Variants in NAV3 observed in about 807,000 individuals in gnomAD.
NAV3 encodes the protein pore membrane and/or filament interacting like protein 1.
NAV3 carries 87 observed loss-of-function variants against 244.7 expected under a neutral mutation model. The observed-to-expected ratio is 0.36, with a 90% CI of 0.30 to 0.42. The LOEUF (loss-of-function observed/expected upper bound fraction) is 0.42, where lower values mean the gene tolerates loss of function less well. Ranked by LOEUF, NAV3 falls within the 20% of genes least tolerant of loss-of-function variation. NAV3 has a pLI of 1.00. For missense variants in NAV3, 2,663 were observed against 2,893.3 expected (o/e 0.92, Z 1.83); for synonymous variants, 1,126 against 1,042.2 (o/e 1.08, Z -1.55).
At chr12:78,141,084 T>A (rs1593758156) in intron 20 of NAV3, among the ~76,000 whole-genome samples, 1 of 152,032 alleles carries the variant, frequency 6.6e-6, no homozygotes, top group African/African-American at 2.4e-5. Flanking sequence ...AGAGACAAGG[T>A]CATTGCTATA....
intron 1 of NAV3, among the ~76,000 whole-genome samples, chr12:77,836,110 G>A (rs1302803790): frequency 6.6e-6 from 1 of 152,008 alleles, no homozygotes; most frequent in Non-Finnish European, 1.5e-5. Context: ...TTCTTCCTGG[G>A]CATACACCCA....
At chr12:77,628,977 T>C (rs1171782999) in intron 2 of NAV3, among the ~76,000 whole-genome samples, 1 of 152,156 alleles carries the variant, frequency 6.6e-6, no homozygotes, top group Non-Finnish European at 1.5e-5. Context: ...CTTAATGCAT[T>C]CTCAAATCCA....
At chr12:77,966,904 G>C (rs528657474) in intron 4 of NAV3, among the ~76,000 whole-genome samples, 4 of 152,064 alleles carry the variant, frequency 2.6e-5, no homozygotes, top group African/African-American at 9.6e-5. Flanking sequence ...TTTTTTCTGA[G>C]TTTATTTTAC....
intron 12 of NAV3, among the ~76,000 whole-genome samples, chr12:78,102,457 T>C (rs898452040): frequency 1.3e-5 from 2 of 152,176 alleles, no homozygotes; most frequent in Non-Finnish European, 2.9e-5. Flanking sequence ...CAGGCTGGCA[T>C]TGAGTGTCTG....
In NAV3 at chr12:77,818,928, G is replaced by A. The variant is rs533205844; in HGVS notation, c.73-121391G>A. On this transcript the variant is annotated intron_variant, in intron 2 of 8. Transcript: ENST00000550042. ...AAAGTAAACAAATAGCTCATTTCCC[G>A]GATTGTATATATTACACATTTATAT... Among the ~76,000 whole-genome samples the A allele has an allele frequency of 1.1e-3, 174 of 151,912 alleles. 1 individual carries two copies. The highest frequency in any genetic ancestry group is 4.0e-3 in the African/African-American group (165 of 41,448).
intron 2 of NAV3, among the ~76,000 whole-genome samples, chr12:77,736,097 C>G (rs12830949): frequency 0.49 from 74,492 of 152,058 alleles, 20,046 homozygotes; most frequent in East Asian, 0.85. Context: ...ACCACTGTTA[C>G]ACACTTTGTG....
intron 12 of NAV3, among the ~76,000 whole-genome samples, chr12:78,069,773 T>C (rs1952660389): frequency 6.6e-6 from 1 of 152,018 alleles, no homozygotes; most frequent in Non-Finnish European, 1.5e-5. Context: ...TACTAGGAGA[T>C]GCCTCACATA....
chr12:77,592,279 G>C (rs1002238675), intron 2 of NAV3, among the ~76,000 whole-genome samples: 12 of 152,196 alleles, frequency 7.9e-5, no homozygotes, highest in African/African-American at 2.9e-4. Context: ...TGCTAAGGCT[G>C]CCTAGGACTA....
intron 12 of NAV3, among the ~76,000 whole-genome samples, chr12:78,070,848 C>T (rs1176462796): frequency 6.7e-6 from 1 of 149,294 alleles, no homozygotes; most frequent in African/African-American, 2.5e-5. Context: ...TGATGATTTC[C>T]AATTTCATCC....
chr12:77,955,241 A>G (rs1891255298), intron 3 of NAV3, among the ~76,000 whole-genome samples: 1 of 152,192 alleles, frequency 6.6e-6, no homozygotes, highest in South Asian at 2.1e-4. Flanking sequence ...CTGATCTCTT[A>G]AAGATCCCTC....
chr12:77,791,680 A>G (rs1565815492), intron 2 of NAV3, among the ~76,000 whole-genome samples: 1 of 152,156 alleles, frequency 6.6e-6, no homozygotes, highest in Non-Finnish European at 1.5e-5. Flanking sequence ...TTACATCTCT[A>G]TATATAGTGA....
At chr12:77,632,723 A>G (rs563168713) in intron 2 of NAV3, among the ~76,000 whole-genome samples, 1 of 152,180 alleles carries the variant, frequency 6.6e-6, no homozygotes, top group Non-Finnish European at 1.5e-5. Context: ...CTCTTATACT[A>G]CTATAATAGT....
At chr12:78,078,620 C>T (rs1174666859) in intron 12 of NAV3, among the ~76,000 whole-genome samples, 5 of 151,936 alleles carry the variant, frequency 3.3e-5, no homozygotes, top group South Asian at 2.1e-4. Context: ...TGGTCTCGAT[C>T]TCCTGACCTC....
intron 1 of NAV3, among the ~76,000 whole-genome samples, chr12:77,833,672 A>G (rs1218952258): frequency 6.6e-6 from 1 of 152,272 alleles, no homozygotes; most frequent in Non-Finnish European, 1.5e-5. Context: ...TTGCAAGGGC[A>G]GAGGGCTTTC....
At chr12:78,110,556 T>C (rs300429) in intron 12 of NAV3, among the ~76,000 whole-genome samples, 8,069 of 151,054 alleles carry the variant, frequency 0.053, 271 homozygotes, top group Non-Finnish European at 0.072. Flanking sequence ...TGAACATGGA[T>C]TTTATCAATT....
chr12:77,810,866 C>A (rs115943916), intron 2 of NAV3, among the ~76,000 whole-genome samples: 2,396 of 152,158 alleles, frequency 0.016, 56 homozygotes, highest in African/African-American at 0.055. Flanking sequence ...TTTGTCAAAT[C>A]AGTTTTATTG....
intron 1 of NAV3, among the ~76,000 whole-genome samples, chr12:77,881,998 G>A (rs920347866): frequency 1.3e-5 from 2 of 152,078 alleles, no homozygotes; most frequent in Admixed American, 1.3e-4. Flanking sequence ...TGGCCATACT[G>A]CCCAAAGCAT....
At chr12:78,125,108 C>T (rs1955847954) in intron 16 of NAV3, among the ~76,000 whole-genome samples, 1 of 152,026 alleles carries the variant, frequency 6.6e-6, no homozygotes, top group South Asian at 2.1e-4. Flanking sequence ...AAAAGTAGAT[C>T]TAGTGGGTGA....
At chr12:77,630,162 A>G (rs1871822873) in intron 2 of NAV3, among the ~76,000 whole-genome samples, 1 of 152,168 alleles carries the variant, frequency 6.6e-6, no homozygotes, top group African/African-American at 2.4e-5. Flanking sequence ...CTACAGCTAG[A>G]TTCTCTTCCA....
Sources: gnomAD v4.1 joint callset for allele counts (sites outside exome capture counted in the v4.1 genomes callset) on GRCh38, gnomAD v4.1.1 for gene constraint, MANE v1.5 for transcripts, NCBI Gene and HGNC (gene_info 2026-07-23, HGNC 2026-07-21) for gene names.